ANKRD13C: variants seen among roughly 807,000 people sequenced by gnomAD.
ANKRD13C encodes ankyrin repeat domain 13C, also known as ankyrin repeat domain-containing protein 13C.
Under a neutral mutation model 65.5 loss-of-function variants are expected in ANKRD13C, and 16 were observed. The observed-to-expected ratio is 0.24, with a 90% CI of 0.17 to 0.37. The LOEUF is 0.37. ANKRD13C is among the 10% of genes least tolerant of loss of function. The pLI is 1.00. For synonymous variants in ANKRD13C, 235 were observed against 238.7 expected, an observed-to-expected ratio of 0.98 and a Z score of 0.14; for missense variants, 503 against 655.9, an observed-to-expected ratio of 0.77 and a Z score of 2.55.
intron 9 of ANKRD13C, among the ~76,000 whole-genome samples, chr1:70,277,329 G>A (rs538937064): frequency 7.2e-5 from 11 of 152,154 alleles, no homozygotes; most frequent in African/African-American, 2.6e-4. Flanking sequence ...GTGATGGTGA[G>A]TGCCTGTAAT....
chr1:70,321,759 C>T (rs1681318569), intron 3 of ANKRD13C, among the ~76,000 whole-genome samples: 1 of 152,156 alleles, frequency 6.6e-6, no homozygotes, highest in Non-Finnish European at 1.5e-5. Context: ...AGAAAAGCAA[C>T]ATAATCTTGA....
chr1:70,296,670 A>G (rs1680093750), intron 7 of ANKRD13C, among the ~76,000 whole-genome samples: 1 of 152,232 alleles, frequency 6.6e-6, no homozygotes, highest in South Asian at 2.1e-4. Context: ...ATACAGATTA[A>G]TCTTACTTTA....
At chr1:70,289,325 C>T (rs1220033017) in intron 9 of ANKRD13C, among the ~76,000 whole-genome samples, 1 of 152,076 alleles carries the variant, frequency 6.6e-6, no homozygotes, top group East Asian at 1.9e-4. Context: ...CAACCTCTGC[C>T]CTTAAGAAAA....
Position 70,301,014 on chromosome 1 carries a change from A to G in ANKRD13C, c.777-106T>C, listed in dbSNP as rs1299996503. On this transcript the variant is annotated intron_variant, in intron 6 of 12. Coordinates refer to ENST00000370944, the MANE Select transcript of ANKRD13C (RefSeq NM_030816.5). ...TTTAAACTCAAACCAAGATGCTAAT[A>G]CCATATTGCAAAGTCAAATTTATAG... 4 of 1,159,998 alleles carry G rather than the reference A, an allele frequency of 3.4e-6. No individual in the cohort carries two copies. In the African/African-American group the frequency reaches 6.5e-5, roughly 19 times the overall value. 71.9% of individuals were successfully genotyped at this position (1,159,998 alleles called of 1,614,324 possible). A position where few individuals can be genotyped will look rare whatever the true frequency, so the allele number is the denominator to read the frequency against.
chr1:70,310,946 T>C (rs1457811549), intron 5 of ANKRD13C, among the ~76,000 whole-genome samples: 2 of 152,180 alleles, frequency 1.3e-5, no homozygotes, highest in Admixed American at 1.3e-4. Flanking sequence ...GAATGATATA[T>C]AAGGCATAAA....
chr1:70,353,860 G>T, intron 1 of ANKRD13C, 119 bp downstream of exon 1: 1 of 1,339,382 alleles, frequency 7.5e-7, no homozygotes, highest in Non-Finnish European at 9.9e-7. Flanking sequence ...TTACCGAACG[G>T]CCCGGATGAT....
chr1:70,282,556 C>A (rs1408108342), intron 9 of ANKRD13C, among the ~76,000 whole-genome samples: 1 of 152,158 alleles, frequency 6.6e-6, no homozygotes, highest in East Asian at 1.9e-4. Flanking sequence ...GCCAAACTTA[C>A]ATCATAACCA....
chr1:70,278,897 C>T (rs1480047634), intron 9 of ANKRD13C, among the ~76,000 whole-genome samples: 2 of 152,040 alleles, frequency 1.3e-5, no homozygotes, highest in African/African-American at 4.8e-5. Flanking sequence ...ATGGAGATAA[C>T]GTATATAAAA....
intron 5 of ANKRD13C, among the ~76,000 whole-genome samples, chr1:70,312,817 T>G (rs1306917912): frequency 1.3e-5 from 2 of 152,154 alleles, no homozygotes; most frequent in African/African-American, 4.8e-5. Context: ...TAGAATCAAA[T>G]TTCATATTTG....
chr1:70,335,374 C>G (rs527836345), intron 2 of ANKRD13C, among the ~76,000 whole-genome samples: 1 of 151,122 alleles, frequency 6.6e-6, no homozygotes, highest in South Asian at 2.1e-4. Flanking sequence ...CCACTGTACT[C>G]CAGCCTGGGC....
At position 70,336,567 on chromosome 1, in the gene ANKRD13C, G is replaced by A. The variant is rs536728379; in HGVS notation, c.431-468C>T. ...AGTACAGCCTGACCGTAGAACATAT[G>A]GCAGAGCTCATAACTTTGCAGAGAG... On this transcript the variant is annotated intron_variant, in intron 1 of 12. Coordinates refer to ENST00000370944, the MANE Select transcript of ANKRD13C (RefSeq NM_030816.5). Among the ~76,000 whole-genome samples the A allele has an allele frequency of 5.9e-5, 9 of 152,166 alleles. No individual in the cohort carries two copies. The South Asian group carries it at 6.2e-4, about 11-fold the overall frequency.
In ANKRD13C at chr1:70,331,740, C is replaced by T. The variant is rs1458540125; in HGVS notation, c.472+4318G>A. On this transcript the variant is annotated intron_variant, in intron 2 of 12. Transcript: ENST00000370944. ...ACTAGGTAGGCTGAGGTGGGAGAAT[C>T]GCTTGAACTCAGGAGGCAGAGGTTG... is the stretch of plus-strand genomic sequence containing the variant. 3.8e-4 allele frequency among the ~76,000 whole-genome samples: 55 copies of T among 143,064 alleles called. No homozygotes were observed. In the Admixed American group the frequency reaches 4.1e-3, roughly 11 times the overall value. The allele number at this position is 143,064 out of a possible 152,430, so 93.9% of individuals were successfully genotyped here. A position where few individuals can be genotyped will look rare whatever the true frequency, so the allele number is the denominator to read the frequency against.
At chr1:70,353,799 C>T (rs926360744) in intron 1 of ANKRD13C, among the ~76,000 whole-genome samples, 180 bp downstream of exon 1, 4 of 152,156 alleles carry the variant, frequency 2.6e-5, no homozygotes, top group Non-Finnish European at 5.9e-5. Flanking sequence ...TTTGCACCCA[C>T]AAGAACCAAC....
At chr1:70,318,683 T>TTG in intron 3 of ANKRD13C, among the ~76,000 whole-genome samples, 1 of 144,284 alleles carries the variant, frequency 6.9e-6, no homozygotes, top group South Asian at 2.3e-4. Flanking sequence ...ATCTTTGTTT[T>TTG]TTTTTTTTTT....
At chr1:70,285,662 G>A (rs1679593762) in intron 9 of ANKRD13C, among the ~76,000 whole-genome samples, 1 of 133,936 alleles carries the variant, frequency 7.5e-6, no homozygotes, top group Non-Finnish European at 1.5e-5. Flanking sequence ...ACAGAGTCTC[G>A]CTCTGTCACC....
intron 8 of ANKRD13C, among the ~76,000 whole-genome samples, chr1:70,293,081 C>T (rs1291728929): frequency 6.6e-6 from 1 of 152,166 alleles, no homozygotes; most frequent in Non-Finnish European, 1.5e-5. Flanking sequence ...CTTCAAGTTA[C>T]AGCTGCCTGT....
intron 1 of ANKRD13C, among the ~76,000 whole-genome samples, chr1:70,338,815 C>G (rs1682172198): frequency 6.6e-6 from 1 of 152,190 alleles, no homozygotes; most frequent in African/African-American, 2.4e-5. Flanking sequence ...TTAAAAAAAT[C>G]AACATGAGCA....
intron 1 of ANKRD13C, among the ~76,000 whole-genome samples, chr1:70,339,533 G>A (rs188783190): frequency 1.8e-4 from 28 of 151,768 alleles, no homozygotes; most frequent in Admixed American, 3.3e-4. Context: ...TGCCCAGGCT[G>A]GTCTCAAATT....
chr1:70,354,542 A>G lies in ANKRD13C; in HGVS notation c.-134T>C. The G allele has an allele frequency of 2.1e-6, 3 of 1,437,868 alleles. No homozygotes were observed. The South Asian group carries it at 4.4e-5, about 21-fold the overall frequency. The allele number at this position is 1,437,868 out of a possible 1,614,324, so 89.1% of individuals were successfully genotyped here. On this transcript the variant is annotated 5_prime_UTR_variant, in exon 1 of 13. Coordinates refer to ENST00000370944, the MANE Select transcript of ANKRD13C (RefSeq NM_030816.5). ...AGCATGAACTCCCACTGAGCCCCCG[A>G]GCCTGGGACAAACGCATCTCCCGGG...
Sources: gnomAD v4.1 joint callset for allele counts (sites outside exome capture counted in the v4.1 genomes callset) on GRCh38, gnomAD v4.1.1 for gene constraint, MANE v1.5 for transcripts, NCBI Gene and HGNC (gene_info 2026-07-23, HGNC 2026-07-21) for gene names.